PREP: variants seen among roughly 807,000 people sequenced by gnomAD.
The protein encoded by PREP is prolyl endopeptidase, also known as dJ355L5.1 (prolyl endopeptidase).
In PREP, 29 loss-of-function variants were observed where a neutral mutation model predicts 87.6. The observed-to-expected ratio is 0.33, with a 90% confidence interval of 0.25 to 0.45. The LOEUF is 0.45. Ranked by LOEUF, PREP falls within the 20% of genes least tolerant of loss-of-function variation. The pLI, the probability that PREP is intolerant of heterozygous loss-of-function variation, is 1.00. For synonymous variants in PREP, 337 were observed against 328.6 expected (o/e 1.03, Z -0.28); for missense variants, 695 against 886.5 (o/e 0.78, Z 2.74).
intron 10 of PREP, chr6:105,323,210 TTTTA>T (rs1343844886): frequency 2.0e-6 from 2 of 994,470 alleles, no homozygotes; most frequent in African/African-American, 3.4e-5. Flanking sequence ...CATTCAAATG[TTTTA>T]TTGAGTGTCT....
At chr6:105,294,655 T>G (rs755657664) in intron 10 of PREP, among the ~76,000 whole-genome samples, 3 of 152,162 alleles carry the variant, frequency 2.0e-5, no homozygotes, top group Non-Finnish European at 4.4e-5. Context: ...TCATGGGACT[T>G]AAGAGTCTCC....
intron 2 of PREP, among the ~76,000 whole-genome samples, chr6:105,378,118 A>G (rs12111164): frequency 0.25 from 37,925 of 152,146 alleles, 7,074 homozygotes; most frequent in African/African-American, 0.53. Context: ...TACCATGTTA[A>G]TTTCAATCAG....
intron 10 of PREP, among the ~76,000 whole-genome samples, chr6:105,314,434 G>T (rs1369827301): frequency 6.6e-6 from 1 of 152,170 alleles, no homozygotes. Context: ...CTCAAGCCCT[G>T]CCACTGATTT....
intron 12 of PREP, among the ~76,000 whole-genome samples, chr6:105,285,134 C>T (rs1403025457): frequency 1.3e-5 from 2 of 152,146 alleles, no homozygotes; most frequent in Admixed American, 6.5e-5. Context: ...ACTATAAAAA[C>T]AAGGCTAACA....
intron 6 of PREP, among the ~76,000 whole-genome samples, chr6:105,368,404 C>A (rs1029225419): frequency 6.6e-6 from 1 of 152,022 alleles, no homozygotes; most frequent in Non-Finnish European, 1.5e-5. Flanking sequence ...GTCAAGACCC[C>A]CAAGGAATAT....
chr6:105,329,959 G>A (rs1771281019), intron 8 of PREP, among the ~76,000 whole-genome samples: 1 of 152,172 alleles, frequency 6.6e-6, no homozygotes, highest in South Asian at 2.1e-4. Flanking sequence ...TACTGGATGA[G>A]GTGCAGGAAG....
chr6:105,394,622 C>G (rs1310570798), intron 2 of PREP, among the ~76,000 whole-genome samples: 1 of 152,124 alleles, frequency 6.6e-6, no homozygotes, highest in Admixed American at 6.5e-5. Context: ...GAACTAGGTA[C>G]AAAATAAATA....
chr6:105,368,125 T>C (rs1772442253), intron 6 of PREP, among the ~76,000 whole-genome samples: 1 of 152,208 alleles, frequency 6.6e-6, no homozygotes, highest in African/African-American at 2.4e-5. Flanking sequence ...CTGCTAATTG[T>C]TTTTCAACTG....
chr6:105,288,911 C>T lies in PREP; in HGVS notation c.1318-17G>A. The T allele has an allele frequency of 6.2e-7, 1 of 1,605,008 alleles. No homozygotes were observed. The highest frequency in any genetic ancestry group is 1.3e-5 in the African/African-American group (1 of 74,738). Reference sequence around the variant, plus strand: ...GTAGAAAATCTAGAATATAAGAAAGCAGAATATAAGATTTAGCATTACTTA... The same window carrying T: ...GTAGAAAATCTAGAATATAAGAAAGTAGAATATAAGATTTAGCATTACTTA... On this transcript the variant is annotated splice_polypyrimidine_tract_variant and intron_variant, in intron 10 of 14. Transcript: ENST00000652536.
At chr6:105,326,789 G>A (rs1771171208) in intron 9 of PREP, among the ~76,000 whole-genome samples, 5 of 152,208 alleles carry the variant, frequency 3.3e-5, no homozygotes, top group Admixed American at 3.3e-4. Flanking sequence ...ATTCGGCAGA[G>A]AAAAGAGAAA....
rs1769894927 is a variant in PREP at position 105,274,446 on chromosome 6, C to T, written c.*3698G>A. On this transcript the variant is annotated 3_prime_UTR_variant, in exon 15 of 15. Coordinates refer to ENST00000652536, the MANE Select transcript of PREP (RefSeq NM_002726.5). ...TTCAACATATACATTTCGGGGAGGA[C>T]ATAAACACTCAGACAACAGCAGTAA... Among the ~76,000 whole-genome samples the T allele has an allele frequency of 6.6e-6, 1 of 152,146 alleles. No individual in the cohort carries two copies. The highest frequency in any genetic ancestry group is 1.5e-5 in the Non-Finnish European group (1 of 68,022).
At chr6:105,302,582 AG>A in intron 10 of PREP, 2 of 411,304 alleles carry the variant, frequency 4.9e-6, no homozygotes, top group South Asian at 2.0e-5. Context: ...CCGCAGGTCC[AG>A]GGGCTTGTAC....
chr6:105,322,443 C>T (rs988039963), intron 10 of PREP: 2 of 984,630 alleles, frequency 2.0e-6, no homozygotes, highest in South Asian at 9.4e-5. Context: ...ATGACTTGCC[C>T]CACGTGGATT....
At chr6:105,286,344 T>C (rs750071711) in intron 11 of PREP, among the ~76,000 whole-genome samples, 2 of 152,180 alleles carry the variant, frequency 1.3e-5, no homozygotes, top group Non-Finnish European at 2.9e-5. Flanking sequence ...CTACAGAAAT[T>C]TCTATGGTAA....
intron 10 of PREP, among the ~76,000 whole-genome samples, chr6:105,315,577 C>T (rs1583050506): frequency 6.6e-6 from 1 of 152,166 alleles, no homozygotes; most frequent in African/African-American, 2.4e-5. Context: ...ATCAACCTGT[C>T]CTTTGGAACT....
chr6:105,399,957 T>C (rs928299880), intron 1 of PREP, among the ~76,000 whole-genome samples: 5 of 152,188 alleles, frequency 3.3e-5, no homozygotes, highest in Non-Finnish European at 7.3e-5. Flanking sequence ...TTCAGGCATA[T>C]CTAGAATTTT....
At chr6:105,328,148 T>C (rs1771220328) in intron 9 of PREP, among the ~76,000 whole-genome samples, 1 of 152,222 alleles carries the variant, frequency 6.6e-6, no homozygotes, top group African/African-American at 2.4e-5. Context: ...TCTCAGCTTA[T>C]TCCAGAAAAC....
chr6:105,378,015 G>C (rs1467785717), intron 2 of PREP, among the ~76,000 whole-genome samples: 1 of 152,186 alleles, frequency 6.6e-6, no homozygotes, highest in Non-Finnish European at 1.5e-5. Flanking sequence ...TTCTTATTCA[G>C]CACCTGGCCA....
chr6:105,350,464 C>G (rs1481620957), intron 7 of PREP, among the ~76,000 whole-genome samples: 3 of 152,154 alleles, frequency 2.0e-5, no homozygotes, highest in Non-Finnish European at 4.4e-5. Context: ...ATATATCCAA[C>G]TGTAACTAAC....
Sources: gnomAD v4.1 joint callset for allele counts (sites outside exome capture counted in the v4.1 genomes callset) on GRCh38, gnomAD v4.1.1 for gene constraint, MANE v1.5 for transcripts, NCBI Gene and HGNC (gene_info 2026-07-23, HGNC 2026-07-21) for gene names.